The following STK39 variants were observed in gnomAD, a reference collection of about 807,000 sequenced individuals.
STK39 encodes the protein serine/threonine kinase 39.
A neutral mutation model predicts 77.8 loss-of-function variants in STK39; 20 were observed. The observed-to-expected ratio is 0.26, with a 90% CI of 0.18 to 0.37. The LOEUF is 0.37. Ranked by LOEUF, STK39 falls within the 10% of genes least tolerant of loss-of-function variation. The pLI is 1.00. For synonymous variants in STK39, 246 were observed against 234.1 expected (o/e 1.05, Z -0.47); for missense variants, 479 against 656.5 (o/e 0.73, Z 2.95).
intron 4 of STK39, 96 bp downstream of exon 4, chr2:168,163,643 T>C: frequency 1.9e-6 from 3 of 1,603,482 alleles, no homozygotes; most frequent in Non-Finnish European, 2.6e-6. Flanking sequence ...AGGTCACACC[T>C]GTGAATCTGA....
Position 168,028,466 on chromosome 2 carries a change from T to C in STK39, c.1377-11371A>G, listed in dbSNP as rs556890682. 6.6e-5 allele frequency among the ~76,000 whole-genome samples: 10 copies of C among 152,316 alleles called. No homozygotes were observed. In the South Asian group the frequency reaches 2.1e-3, roughly 32 times the overall value. ...GCAGTCCTTTTCAGCATTTAGGATGTCTAGTGAATATATTTATTGAACTTA... is the reference window on the plus strand; with the variant it reads ...GCAGTCCTTTTCAGCATTTAGGATGCCTAGTGAATATATTTATTGAACTTA... On this transcript the variant is annotated intron_variant, in intron 14 of 17. Transcript: ENST00000355999.
At chr2:168,242,664 G>A (rs985358958) in intron 1 of STK39, among the ~76,000 whole-genome samples, 4 of 147,322 alleles carry the variant, frequency 2.7e-5, no homozygotes, top group African/African-American at 9.9e-5. Context: ...CCGGAGCATC[G>A]CTGAGCGGAG....
intron 5 of STK39, among the ~76,000 whole-genome samples, chr2:168,161,279 C>A (rs1688565762): frequency 1.3e-5 from 2 of 152,174 alleles, no homozygotes; most frequent in Non-Finnish European, 1.5e-5. Flanking sequence ...ATTGTGTGTT[C>A]ATGTAAAAGA....
At chr2:168,008,475 G>A (rs1222776783) in intron 16 of STK39, among the ~76,000 whole-genome samples, 2 of 152,162 alleles carry the variant, frequency 1.3e-5, no homozygotes, top group Admixed American at 1.3e-4. Flanking sequence ...GAAACACCAG[G>A]GGCTGGATTT....
intron 16 of STK39, among the ~76,000 whole-genome samples, chr2:167,975,899 G>A (rs772146119): frequency 6.6e-6 from 1 of 152,284 alleles, no homozygotes; most frequent in East Asian, 1.9e-4. Context: ...AGGCCCCATC[G>A]CCTCAAGGCA....
chr2:168,178,854 C>T (rs1353631691), intron 2 of STK39, among the ~76,000 whole-genome samples: 3 of 152,158 alleles, frequency 2.0e-5, no homozygotes, highest in African/African-American at 7.2e-5. Context: ...ATAAAGAAGT[C>T]GAGTTCTGGA....
intron 1 of STK39, among the ~76,000 whole-genome samples, chr2:168,194,733 A>T (rs1689425606): frequency 6.6e-6 from 1 of 152,266 alleles, no homozygotes. Flanking sequence ...CTGAACAGCC[A>T]GCTGATTGCA....
intron 14 of STK39, among the ~76,000 whole-genome samples, chr2:168,058,012 CT>C (rs200024615): frequency 2.6e-5 from 4 of 152,100 alleles, no homozygotes; most frequent in Admixed American, 1.3e-4. Context: ...TGTAAACATG[CT>C]TTTTTTAAAA....
chr2:168,049,849 G>C (rs1241417671), intron 14 of STK39, among the ~76,000 whole-genome samples: 6 of 152,188 alleles, frequency 3.9e-5, no homozygotes. Context: ...AGGTGGCATT[G>C]TTTGTAATAG....
intron 10 of STK39, among the ~76,000 whole-genome samples, chr2:168,126,502 A>G (rs953223637): frequency 1.3e-5 from 2 of 152,224 alleles, no homozygotes; most frequent in Admixed American, 1.3e-4. Context: ...CGTCTACACG[A>G]AGTTTCCCAT....
chr2:167,955,556 A>C lies in STK39; in HGVS notation c.1578T>G (p.Asp526Glu). ...TLTFKLASGC[D>E]GSEIPDEVKL... is the part of the protein sequence containing the mutation. ...TCACTTCATCAGGAATCTCCGACCC[A>C]TCACAGCCAGAAGCCTGAAAAGGGA... Residue 526 changes from aspartate (D) to glutamate (E), a missense_variant, in exon 18 of 18, where the codon GAT (aspartate) becomes GAG (glutamate). Asp to Glu is a conservative substitution (Grantham distance 45). This residue lies in a region of STK39 where 244 missense variants were observed against 296.8 expected (regional missense o/e 0.82). Coordinates refer to ENST00000355999, the MANE Select transcript of STK39 (RefSeq NM_013233.3). The C allele has an allele frequency of 6.2e-7, 1 of 1,613,780 alleles. No individual in the cohort carries two copies. The highest frequency in any genetic ancestry group is 2.2e-5 in the East Asian group (1 of 44,862).
At chr2:167,997,029 T>C (rs1391909531) in intron 16 of STK39, among the ~76,000 whole-genome samples, 1 of 149,958 alleles carries the variant, frequency 6.7e-6, no homozygotes, top group Non-Finnish European at 1.5e-5. Flanking sequence ...TCACTATAAG[T>C]GAACTATTTG....
At chr2:168,129,114 G>C (rs976415895) in intron 10 of STK39, among the ~76,000 whole-genome samples, 2 of 152,194 alleles carry the variant, frequency 1.3e-5, no homozygotes, top group Admixed American at 1.3e-4. Context: ...GGTCTTTCAT[G>C]AGGAAAGAAT....
chr2:168,038,916 G>T (rs934397477), intron 14 of STK39, among the ~76,000 whole-genome samples: 5 of 152,120 alleles, frequency 3.3e-5, no homozygotes, highest in Non-Finnish European at 7.4e-5. Context: ...CAAGAATGTA[G>T]AGGAACTAGA....
In STK39 at chr2:167,956,686, A is replaced by ACACACACACACACC. The variant is rs1691779631; in HGVS notation, c.1564-1117_1564-1116insGGTGTGTGTGTGTG. 4.5e-5 allele frequency among the ~76,000 whole-genome samples: 2 copies of ACACACACACACACC among 44,730 alleles called. 1 individual carries two copies. The highest frequency in any genetic ancestry group is 9.5e-5 in the Non-Finnish European group (2 of 21,164). The allele number at this position is 44,730 out of a possible 152,430, so 29.3% of individuals were successfully genotyped here. On this transcript the variant is annotated intron_variant, in intron 17 of 17. Transcript: ENST00000355999. ...CTTTTAGACACACACACACACACAC[A>ACACACACACACACC]CACACACACACTCTCTCTCTCTCTC...
At chr2:168,081,484 A>G (rs1349959102) in intron 10 of STK39, among the ~76,000 whole-genome samples, 5 of 152,114 alleles carry the variant, frequency 3.3e-5, no homozygotes, top group African/African-American at 1.2e-4. Flanking sequence ...TGTATCTAGG[A>G]AGTAACTAAC....
chr2:168,016,939 A>G (rs1000343729), intron 15 of STK39, 104 bp downstream of exon 15: 2 of 900,100 alleles, frequency 2.2e-6, no homozygotes, highest in East Asian at 2.7e-5. Flanking sequence ...TTCCTTCACT[A>G]TTAAACAAAG....
At chr2:168,103,673 T>C (rs1381057728) in intron 10 of STK39, among the ~76,000 whole-genome samples, 3 of 152,232 alleles carry the variant, frequency 2.0e-5, no homozygotes, top group Non-Finnish European at 2.9e-5. Flanking sequence ...TTTTCTTTTA[T>C]ATATGTGTAA....
At chr2:168,048,982 G>A (rs1285810361) in intron 14 of STK39, among the ~76,000 whole-genome samples, 4 of 152,190 alleles carry the variant, frequency 2.6e-5, no homozygotes, top group Admixed American at 6.5e-5. Flanking sequence ...TGCTATTGAC[G>A]AGATGGTTTT....
Sources: allele counts gnomAD v4.1 joint callset (sites outside exome capture counted in the v4.1 genomes callset), GRCh38; gene constraint gnomAD v4.1.1; regional missense constraint gnomAD v4.1.1; transcripts MANE v1.5; gene names NCBI Gene and HGNC (gene_info 2026-07-23, HGNC 2026-07-21).